MCPH1: variants seen among roughly 807,000 people sequenced by gnomAD.
The protein encoded by MCPH1 is microcephalin 1, also known as microcephalin.
Under a neutral mutation model 84.5 loss-of-function variants are expected in MCPH1, and 104 were observed. The ratio of observed to expected loss-of-function variants is 1.23; its 90% CI spans 1.05 to 1.45. MCPH1 has a LOEUF of 1.45. Among genes scored for constraint, MCPH1 ranks in the 40% most tolerant of loss-of-function variants. MCPH1 has a pLI of 0.00. For synonymous variants in MCPH1, 514 were observed against 366.8 expected (o/e 1.40, Z -4.58); for missense variants, 1,498 against 1,005.7 (o/e 1.49, Z -6.62).
intron 12 of MCPH1, among the ~76,000 whole-genome samples, chr8:6,518,759 C>G (rs1175497164): frequency 6.6e-6 from 1 of 152,144 alleles, no homozygotes; most frequent in Non-Finnish European, 1.5e-5. Flanking sequence ...TATGTAGCTG[C>G]TTTTACATTT....
At chr8:6,413,677 C>A (rs1448178689) in intron 2 of MCPH1, among the ~76,000 whole-genome samples, 1 of 151,140 alleles carries the variant, frequency 6.6e-6, no homozygotes, top group Non-Finnish European at 1.5e-5. Context: ...CTTATGTCAT[C>A]TTTTCTTAAT....
intron 7 of MCPH1, 154 bp from the exon 8 acceptor site, chr8:6,444,239 A>G (rs1315906153): frequency 5.5e-6 from 2 of 363,046 alleles, no homozygotes; most frequent in Non-Finnish European, 7.7e-6. Flanking sequence ...CCTAAAATGT[A>G]CCCTTAAGTG....
At chr8:6,574,109 A>T (rs1826872821) in intron 12 of MCPH1, among the ~76,000 whole-genome samples, 1 of 152,220 alleles carries the variant, frequency 6.6e-6, no homozygotes, top group Non-Finnish European at 1.5e-5. Flanking sequence ...GAAATAGTAA[A>T]AACAGACCAG....
chr8:6,503,016 C>T, intron 12 of MCPH1: 2 of 1,512,258 alleles, frequency 1.3e-6, no homozygotes, highest in Non-Finnish European at 1.8e-6. Flanking sequence ...TGGAAGAGGA[C>T]ACAGTGCGCA....
At chr8:6,473,785 A>G (rs543584411) in intron 9 of MCPH1, 40 of 971,794 alleles carry the variant, frequency 4.1e-5, no homozygotes, top group Middle Eastern at 2.4e-4. Context: ...AACAATTTCT[A>G]TGATGTCAGC....
chr8:6,616,667 A>G (rs747518930), intron 12 of MCPH1: 1 of 152,264 alleles, frequency 6.6e-6, no homozygotes, highest in Non-Finnish European at 1.5e-5. Context: ...TGCCTCCTCA[A>G]CTACATGTAT....
chr8:6,447,369 A>C (rs1343663828), intron 8 of MCPH1: 26 of 985,230 alleles, frequency 2.6e-5, no homozygotes, highest in Non-Finnish European at 3.1e-5. Flanking sequence ...TGTACCTCCA[A>C]ATCTTTAATG....
At chr8:6,501,143 G>T (rs1812099837) in intron 12 of MCPH1, 1 of 152,172 alleles carries the variant, frequency 6.6e-6, no homozygotes, top group South Asian at 2.1e-4. Flanking sequence ...AATAGTTGTT[G>T]GAAAAGTGCA....
intron 12 of MCPH1, among the ~76,000 whole-genome samples, chr8:6,585,164 T>A (rs2515529): frequency 0.99 from 150,442 of 152,380 alleles, 74,289 homozygotes; most frequent in Middle Eastern, 1. Flanking sequence ...TTTCCGTGGC[T>A]AATGAAGGAT....
At chr8:6,569,864 C>T (rs945855954) in intron 12 of MCPH1, among the ~76,000 whole-genome samples, 4 of 152,200 alleles carry the variant, frequency 2.6e-5, no homozygotes, top group South Asian at 4.1e-4. Context: ...AGACTCTTAG[C>T]GGCCTTCAGT....
chr8:6,494,061 C>T (rs1810964876), intron 11 of MCPH1: 1 of 152,194 alleles, frequency 6.6e-6, no homozygotes, highest in Non-Finnish European at 1.5e-5. Flanking sequence ...GTGCCTCAGC[C>T]TCTTGAGTAG....
chr8:6,574,699 G>A (rs1005218135), intron 12 of MCPH1, among the ~76,000 whole-genome samples: 2 of 152,206 alleles, frequency 1.3e-5, no homozygotes, highest in Non-Finnish European at 2.9e-5. Flanking sequence ...CACACCTGAA[G>A]CTGAAAGATA....
chr8:6,416,821 CTA>C (rs1228608205), intron 3 of MCPH1, among the ~76,000 whole-genome samples: 1 of 77,360 alleles, frequency 1.3e-5, no homozygotes, highest in Non-Finnish European at 3.9e-5. Flanking sequence ...TGGTAAAACC[CTA>C]TCTCTATTAA....
intron 12 of MCPH1, chr8:6,619,222 A>T (rs1025616023): frequency 1.3e-5 from 2 of 152,260 alleles, no homozygotes; most frequent in Non-Finnish European, 2.9e-5. Context: ...AAGAAGACAC[A>T]GACAACAGTG....
chr8:6,512,682 T>G (rs773290517), intron 12 of MCPH1, among the ~76,000 whole-genome samples: 10 of 152,200 alleles, frequency 6.6e-5, no homozygotes, highest in Non-Finnish European at 1.3e-4. Context: ...GTACTTATCT[T>G]GCACACTAGG....
At chr8:6,581,862 G>A (rs1440118299) in intron 12 of MCPH1, among the ~76,000 whole-genome samples, 1 of 152,122 alleles carries the variant, frequency 6.6e-6, no homozygotes, top group Non-Finnish European at 1.5e-5. Flanking sequence ...GTTCATAGAT[G>A]GCGCCTTCTC....
chr8:6,570,769 G>A (rs553551848), intron 12 of MCPH1, among the ~76,000 whole-genome samples: 10 of 147,924 alleles, frequency 6.8e-5, no homozygotes, highest in South Asian at 2.1e-4. Flanking sequence ...TTGTGAAATC[G>A]TGTGTGAATG....
intron 3 of MCPH1, among the ~76,000 whole-genome samples, chr8:6,423,867 C>G (rs898877344): frequency 7.9e-5 from 12 of 152,118 alleles, no homozygotes; most frequent in Non-Finnish European, 1.3e-4. Context: ...GTTATCAGTT[C>G]TTCTTTCTAA....
At chr8:6,457,599 T>C (rs1805836771) in intron 9 of MCPH1, among the ~76,000 whole-genome samples, 1 of 151,890 alleles carries the variant, frequency 6.6e-6, no homozygotes, top group Admixed American at 6.6e-5. Context: ...AGTGAGACTC[T>C]GTCTCAAAAA....
Sources: gnomAD v4.1 joint callset for allele counts (sites outside exome capture counted in the v4.1 genomes callset) on GRCh38, gnomAD v4.1.1 for gene constraint, MANE v1.5 for transcripts, NCBI Gene and HGNC (gene_info 2026-07-23, HGNC 2026-07-21) for gene names.